NDFIP1: variants seen among roughly 807,000 people sequenced by gnomAD.
The protein encoded by NDFIP1 is NEDD4 family-interacting protein 1.
A neutral mutation model predicts 28.8 loss-of-function variants in NDFIP1; 7 were observed. That is an observed-to-expected ratio of 0.24 (90% CI 0.14 to 0.46). The LOEUF (loss-of-function observed/expected upper bound fraction) is 0.46, where lower values mean the gene tolerates loss of function less well. Ranked by LOEUF, NDFIP1 falls within the 20% of genes least tolerant of loss-of-function variation. NDFIP1 has a pLI of 0.99. For synonymous variants in NDFIP1, 92 were observed against 101.0 expected (o/e 0.91, Z 0.53); for missense variants, 194 against 269.1 (o/e 0.72, Z 1.95).
At chr5:142,137,228 A>G (rs1757286040) in intron 4 of NDFIP1, among the ~76,000 whole-genome samples, 1 of 152,054 alleles carries the variant, frequency 6.6e-6, no homozygotes, top group Non-Finnish European at 1.5e-5. Context: ...TGGTGTGATC[A>G]CTTCTCAGTG....
At position 142,136,521 on chromosome 5, in the gene NDFIP1, G is replaced by A. The variant is rs559751012; in HGVS notation, c.370+704G>A. Among the ~76,000 whole-genome samples, 33 of 152,140 alleles carry A rather than the reference G, an allele frequency of 2.2e-4. 1 individual carries two copies. The South Asian group carries it at 6.7e-3, about 31-fold the overall frequency. On this transcript the variant is annotated intron_variant, in intron 4 of 7. Coordinates refer to ENST00000253814, the MANE Select transcript of NDFIP1 (RefSeq NM_030571.4). ...TATAATCCCAGCACTTTGGGAGGCC[G>A]AGGCAGGCAGATGCCCTGAGGTCAG...
At chr5:142,148,521 T>C (rs1335116753) in intron 7 of NDFIP1, among the ~76,000 whole-genome samples, 2 of 151,740 alleles carry the variant, frequency 1.3e-5, no homozygotes, top group African/African-American at 4.8e-5. Flanking sequence ...GAGGCCGAGG[T>C]GGGCAGGTCA....
Position 142,152,991 on chromosome 5 carries a change from A to G in NDFIP1, c.*1263A>G, listed in dbSNP as rs1757463259. ...ACATTGGTTCTGTAAAAGATAATGG[A>G]CTAAAAAAGTAGAGAGGAGTTGTAG... is the stretch of plus-strand genomic sequence containing the variant. On this transcript the variant is annotated 3_prime_UTR_variant, in exon 8 of 8. Coordinates refer to ENST00000253814, the MANE Select transcript of NDFIP1 (RefSeq NM_030571.4). 5 of 293,422 alleles carry G rather than the reference A, an allele frequency of 1.7e-5. No homozygotes were observed. The highest frequency in any genetic ancestry group is 2.7e-5 in the Non-Finnish European group (4 of 149,868). 18.2% of individuals were successfully genotyped at this position (293,422 alleles called of 1,614,324 possible).
intron 1 of NDFIP1, among the ~76,000 whole-genome samples, chr5:142,112,326 AG>A (rs1277053527): frequency 1.3e-5 from 2 of 151,794 alleles, no homozygotes; most frequent in African/African-American, 2.4e-5. Flanking sequence ...CAGATGTTTC[AG>A]TGAACTGAGA....
Position 142,151,792 on chromosome 5 carries a change from C to A in NDFIP1, c.*64C>A, listed in dbSNP as rs1328693415. On this transcript the variant is annotated 3_prime_UTR_variant, in exon 8 of 8. Transcript: ENST00000253814. ...TCTCTCTCAAGAAGCAAGAGAACAC[C>A]TGCAGGAAGTGAATCAAGATGCAGA... 6.5e-6 allele frequency: 1 copy of A among 152,708 alleles called. No homozygotes were observed. The highest frequency in any genetic ancestry group is 1.5e-5 in the Non-Finnish European group (1 of 68,034). 9.5% of individuals were successfully genotyped at this position (152,708 alleles called of 1,614,324 possible). A position where few individuals can be genotyped will look rare whatever the true frequency, so the allele number is the denominator to read the frequency against.
intron 1 of NDFIP1, among the ~76,000 whole-genome samples, chr5:142,129,350 G>T (rs751732446): frequency 1.3e-5 from 2 of 151,982 alleles, no homozygotes; most frequent in Non-Finnish European, 2.9e-5. Flanking sequence ...TTCCTAGTTC[G>T]GTGTCCCAGG....
intron 1 of NDFIP1, among the ~76,000 whole-genome samples, chr5:142,120,601 C>T (rs1392260386): frequency 6.6e-6 from 1 of 152,172 alleles, no homozygotes; most frequent in African/African-American, 2.4e-5. Context: ...TAAGAGGCAA[C>T]TGTCTAATCT....
At chr5:142,142,940 A>AAAAATATATATATATATATAT (rs60076432) in intron 6 of NDFIP1, 1 of 38,158 alleles carries the variant, frequency 2.6e-5, no homozygotes, top group Non-Finnish European at 4.4e-5. Flanking sequence ...AAAAAAAAAA[A>AAAAATATATATATATATATAT]ATATATATAT....
At chr5:142,144,527 A>G (rs373488901) in intron 6 of NDFIP1, 44 bp from the exon 7 acceptor site, 3 of 1,438,824 alleles carry the variant, frequency 2.1e-6, no homozygotes, top group Non-Finnish European at 2.9e-6. Flanking sequence ...GGGACTTAAC[A>G]TGGAAATTAT....
rs754470665 is a variant in NDFIP1, at chr5:142,154,161, G to A, written c.*2433G>A. 1 of 152,300 alleles carries A rather than the reference G, an allele frequency of 6.6e-6. No homozygotes were observed. Among genetic ancestry groups the A allele is most frequent in the Non-Finnish European group, 1.5e-5 (1 of 68,026 alleles). The allele number at this position is 152,300 out of a possible 1,614,324, so 9.4% of individuals were successfully genotyped here. ...TACGTTAATACTGATAATGGATAAA[G>A]AGTGAGTTTTTATAATAAATGGTTT... On this transcript the variant is annotated 3_prime_UTR_variant, in exon 8 of 8. Coordinates refer to ENST00000253814, the MANE Select transcript of NDFIP1 (RefSeq NM_030571.4).
chr5:142,130,898 G>A (rs4912806), intron 1 of NDFIP1, among the ~76,000 whole-genome samples: 142,583 of 152,192 alleles, frequency 0.94, 66,853 homozygotes, highest in East Asian at 1. Context: ...TGTTTGGCAA[G>A]TTTAGCTTTT....
At chr5:142,127,059 A>G (rs1014808482) in intron 1 of NDFIP1, among the ~76,000 whole-genome samples, 12 of 152,102 alleles carry the variant, frequency 7.9e-5, no homozygotes, top group Non-Finnish European at 1.5e-4. Context: ...TTTGTCGCCC[A>G]GGCTGAAGTG....
chr5:142,135,638 A>G, intron 3 of NDFIP1, 92 bp from the exon 4 acceptor site: 1 of 1,084,464 alleles, frequency 9.2e-7, no homozygotes, highest in Non-Finnish European at 1.4e-6. Flanking sequence ...GAACCAAAGC[A>G]ATAACTTTTT....
chr5:142,131,033 C>T (rs114608459), intron 1 of NDFIP1, among the ~76,000 whole-genome samples: 2,255 of 152,070 alleles, frequency 0.015, 47 homozygotes, highest in African/African-American at 0.049. Flanking sequence ...TAGCTCGCTG[C>T]AGCCACGACC....
At chr5:142,142,872 C>G (rs749907007) in intron 6 of NDFIP1, 5 of 131,630 alleles carry the variant, frequency 3.8e-5, no homozygotes, top group African/African-American at 1.4e-4. Flanking sequence ...GAGCTGAGAT[C>G]GTGCCACTGC....
intron 4 of NDFIP1, among the ~76,000 whole-genome samples, chr5:142,136,260 A>T (rs1352926961): frequency 6.6e-6 from 1 of 152,176 alleles, no homozygotes; most frequent in African/African-American, 2.4e-5. Context: ...CCTCACATAG[A>T]AGTGAGCAAC....
At chr5:142,149,521 G>A (rs1208608744) in intron 7 of NDFIP1, among the ~76,000 whole-genome samples, 1 of 140,224 alleles carries the variant, frequency 7.1e-6, no homozygotes, top group East Asian at 2.1e-4. Flanking sequence ...TTGTTCTTCA[G>A]TTTGTGTACT....
intron 1 of NDFIP1, among the ~76,000 whole-genome samples, chr5:142,119,062 A>G (rs1596783211): frequency 6.6e-6 from 1 of 152,210 alleles, no homozygotes; most frequent in African/African-American, 2.4e-5. Context: ...AAGGAACTAT[A>G]TATGTCTGTA....
At position 142,153,834 on chromosome 5, in the gene NDFIP1, G is replaced by A. The variant is rs1046635530; in HGVS notation, c.*2106G>A. 5 of 154,116 alleles carry A rather than the reference G, an allele frequency of 3.2e-5. No homozygotes were observed. Among genetic ancestry groups the A allele is most frequent in the Non-Finnish European group, 7.2e-5 (5 of 69,174 alleles). The allele number at this position is 154,116 out of a possible 1,614,324, so 9.5% of individuals were successfully genotyped here. A position where few individuals can be genotyped will look rare whatever the true frequency, so the allele number is the denominator to read the frequency against. ...GACTAGCTTTGTGTTTATTCTTCAG[G>A]TCCTTGCGCCTTATTTGGTTTTGTA... On this transcript the variant is annotated 3_prime_UTR_variant, in exon 8 of 8. Coordinates refer to ENST00000253814, the MANE Select transcript of NDFIP1 (RefSeq NM_030571.4).
Sources: allele counts gnomAD v4.1 joint callset (sites outside exome capture counted in the v4.1 genomes callset), GRCh38; gene constraint gnomAD v4.1.1; transcripts MANE v1.5; gene names NCBI Gene and HGNC (gene_info 2026-07-23, HGNC 2026-07-21).